SLC20A1: variants seen among roughly 807,000 people sequenced by gnomAD.
The protein encoded by SLC20A1 is sodium-dependent phosphate transporter 1.
SLC20A1 carries 28 observed loss-of-function variants against 62.7 expected under a neutral mutation model. The ratio of observed to expected loss-of-function variants is 0.45; its 90% confidence interval spans 0.33 to 0.61. The LOEUF is 0.61. SLC20A1 is among the 20% of genes least tolerant of loss of function. The pLI is 0.02. For synonymous variants in SLC20A1, 305 were observed against 302.9 expected (o/e 1.01, Z -0.07); for missense variants, 673 against 838.6 (o/e 0.80, Z 2.44).
At chr2:112,647,847 A>C in intron 4 of SLC20A1, 109 bp downstream of exon 4, 1 of 850,820 alleles carries the variant, frequency 1.2e-6, no homozygotes. Flanking sequence ...CGGCCTTGGA[A>C]AATTTTAAAA....
rs146866015 is a variant in SLC20A1, at chr2:112,647,909, G to A, written c.561+171G>A. Among the ~76,000 whole-genome samples the A allele has an allele frequency of 1.1e-4, 16 of 152,200 alleles. No homozygotes were observed. The East Asian group carries it at 3.1e-3, about 29-fold the overall frequency. ...ATGTTGTGGAGTTCTCTGAAAGCGA[G>A]TTTTTAATACTCAAGAGGGCAGTCA... On this transcript the variant is annotated intron_variant, in intron 4 of 10. Coordinates refer to ENST00000272542, the MANE Select transcript of SLC20A1 (RefSeq NM_005415.5).
Position 112,646,787 on chromosome 2 carries a change from G to GCGCT in SLC20A1, c.-40_-37dup, listed in dbSNP as rs1369682952. The GCGCT allele has an allele frequency of 7.2e-7, 1 of 1,392,414 alleles. No homozygotes were observed. Among genetic ancestry groups the GCGCT allele is most frequent in the East Asian group, 2.3e-5 (1 of 43,452 alleles). 86.3% of individuals were successfully genotyped at this position (1,392,414 alleles called of 1,614,324 possible). A position where few individuals can be genotyped will look rare whatever the true frequency, so the allele number is the denominator to read the frequency against. On this transcript the variant is annotated 5_prime_UTR_variant, in exon 2 of 11. Coordinates refer to ENST00000272542, the MANE Select transcript of SLC20A1 (RefSeq NM_005415.5). ...ATATTCTGTTTACACATCTTGAAAG[G>GCGCT]CGCTCAGTAGTTCTCTTACTAAACA...
At chr2:112,652,456 A>G (rs1686468121) in intron 4 of SLC20A1, 1 of 535,128 alleles carries the variant, frequency 1.9e-6, no homozygotes, top group African/African-American at 1.9e-5. Context: ...TCAGGATGTT[A>G]TCAGTCACTG....
At chr2:112,659,827 C>T (rs1686700097) in intron 8 of SLC20A1, 65 bp downstream of exon 8, 1 of 1,425,278 alleles carries the variant, frequency 7.0e-7, no homozygotes, top group South Asian at 1.3e-5. Context: ...TGTCACAGGC[C>T]TGTGCTTGTG....
At chr2:112,655,795 GT>G (rs1357616940) in intron 5 of SLC20A1, among the ~76,000 whole-genome samples, 2 of 152,110 alleles carry the variant, frequency 1.3e-5, no homozygotes, top group Admixed American at 6.5e-5. Flanking sequence ...GACCTCCTGG[GT>G]TCAAGTGATT....
rs965830821 is a variant in SLC20A1 at position 112,646,637 on chromosome 2, C to T, written c.-192C>T. 2.1e-5 allele frequency: 5 copies of T among 242,436 alleles called. No homozygotes were observed. The highest frequency in any genetic ancestry group is 9.1e-5 in the African/African-American group (4 of 44,136). The allele number at this position is 242,436 out of a possible 1,614,324, so 15.0% of individuals were successfully genotyped here. ...TTTTAGCCCTCCTGAGCCAAAGAAACCCCAGACAACAGATGCCCATACGCA... is the reference window on the plus strand; with the variant it reads ...TTTTAGCCCTCCTGAGCCAAAGAAATCCCAGACAACAGATGCCCATACGCA... On this transcript the variant is annotated 5_prime_UTR_variant, in exon 2 of 11. Coordinates refer to ENST00000272542, the MANE Select transcript of SLC20A1 (RefSeq NM_005415.5).
At chr2:112,656,162 AAACTT>A (rs1367275597) in intron 5 of SLC20A1, among the ~76,000 whole-genome samples, 1 of 150,402 alleles carries the variant, frequency 6.6e-6, no homozygotes, top group African/African-American at 2.5e-5. Flanking sequence ...AATTACCACT[AAACTT>A]TGTGTGTGAG....
At chr2:112,658,331 TGTC>T (rs1686652784) in intron 6 of SLC20A1, 1 of 152,944 alleles carries the variant, frequency 6.5e-6, no homozygotes, top group South Asian at 2.1e-4. Flanking sequence ...AAATTAAAGT[TGTC>T]GTCTTTAGTT....
chr2:112,658,907 G>A lies in SLC20A1; in HGVS notation c.861G>A (p.Leu287=), dbSNP rs1686673065. 2.5e-6 allele frequency: 4 copies of A among 1,614,158 alleles called. No individual in the cohort carries two copies. In the South Asian group the frequency reaches 4.4e-5, roughly 18 times the overall value. ...SLKEDHEETK[L]SVGDIENKHP... is the part of the protein sequence containing the mutation. ...AAGAAGACCATGAAGAAACAAAGTT[G>A]TCTGTTGGTGATATTGAAAACAAGC... The change falls in exon 7 of 11, where the codon TTG becomes TTA. Residue 287 remains leucine, a synonymous_variant. Coordinates refer to ENST00000272542, the MANE Select transcript of SLC20A1 (RefSeq NM_005415.5).
At chr2:112,656,475 A>T (rs904025384) in intron 5 of SLC20A1, among the ~76,000 whole-genome samples, 1 of 152,186 alleles carries the variant, frequency 6.6e-6, no homozygotes, top group African/African-American at 2.4e-5. Flanking sequence ...TGCTGGGATT[A>T]CAGGCATGAG....
At position 112,652,780 on chromosome 2, in the gene SLC20A1, A is replaced by G. The variant is rs201514397; in HGVS notation, c.640A>G (p.Met214Val). ...AGTTGGAATAAACCTCTTTTCCATC[A>G]TGTATACTGGAGCACCGTGTAAGTA... Reference protein sequence around the residue: ...CTVGINLFSIMYTGAPLLGFD... With the variant: ...CTVGINLFSIVYTGAPLLGFD... The change falls in exon 5 of 11, where the codon ATG (methionine) becomes GTG (valine). Residue 214 changes from methionine to valine, a missense_variant. Coordinates refer to ENST00000272542, the MANE Select transcript of SLC20A1 (RefSeq NM_005415.5). 1.9e-5 allele frequency: 30 copies of G among 1,613,940 alleles called. No individual in the cohort carries two copies. The highest frequency in any genetic ancestry group is 2.0e-5 in the Non-Finnish European group (24 of 1,179,900).
rs549062861 is a variant in SLC20A1, at chr2:112,656,526, C to G, written c.659-596C>G. ...GAAAGACAAAGCTTTTACAACTATTCTTAAATTATCAACTTTTGATAGATA... is the reference window on the plus strand; with the variant it reads ...GAAAGACAAAGCTTTTACAACTATTGTTAAATTATCAACTTTTGATAGATA... On this transcript the variant is annotated intron_variant, in intron 5 of 10. Coordinates refer to ENST00000272542, the MANE Select transcript of SLC20A1 (RefSeq NM_005415.5). Among the ~76,000 whole-genome samples, 6 of 152,294 alleles carry G rather than the reference C, an allele frequency of 3.9e-5. No individual in the cohort carries two copies. In the East Asian group the frequency reaches 1.2e-3, roughly 29 times the overall value.
chr2:112,654,982 T>C (rs77927949), intron 5 of SLC20A1, among the ~76,000 whole-genome samples: 1 of 102,024 alleles, frequency 9.8e-6, no homozygotes, highest in African/African-American at 2.8e-5. Flanking sequence ...TTTTTTTTTT[T>C]TTTTGAGACA....
Position 112,647,091 on chromosome 2 carries a change from G to T in SLC20A1, c.263G>T (p.Gly88Val), listed in dbSNP as rs767428504. 5.0e-6 allele frequency: 8 copies of T among 1,614,036 alleles called. No individual in the cohort carries two copies. The highest frequency in any genetic ancestry group is 6.8e-6 in the Non-Finnish European group (8 of 1,180,034). ...GAKVSETIRK[G>V]LIDVEMYNST... ...AAAGTGAGCGAAACCATCCGGAAGGGCTTGATTGACGTGGAGATGTACAAC... is the reference window on the plus strand; with the variant it reads ...AAAGTGAGCGAAACCATCCGGAAGGTCTTGATTGACGTGGAGATGTACAAC... Residue 88 changes from glycine to valine, a missense_variant, in exon 2 of 11, where the codon GGC becomes GTC. Gly to Val is a moderately radical substitution (Grantham distance 109). Coordinates refer to ENST00000272542, the MANE Select transcript of SLC20A1 (RefSeq NM_005415.5).
intron 10 of SLC20A1, 70 bp from the exon 11 acceptor site, chr2:112,662,794 T>G: frequency 6.6e-7 from 1 of 1,505,154 alleles, no homozygotes; most frequent in East Asian, 2.3e-5. Context: ...CCAAACAGTC[T>G]CAGGTGTCTG....
chr2:112,646,719 T>A lies in SLC20A1; in HGVS notation c.-110T>A. ...TGTGCCGTAGTTTACAGTATTTAAT[T>A]TTATATAATATATATTATTTATTAT... On this transcript the variant is annotated 5_prime_UTR_variant, in exon 2 of 11. Transcript: ENST00000272542. 2.2e-6 allele frequency: 1 copy of A among 449,036 alleles called. No individual in the cohort carries two copies. Among genetic ancestry groups the A allele is most frequent in the South Asian group, 1.1e-4 (1 of 9,224 alleles). 27.8% of individuals were successfully genotyped at this position (449,036 alleles called of 1,614,324 possible). A position where few individuals can be genotyped will look rare whatever the true frequency, so the allele number is the denominator to read the frequency against.
chr2:112,660,511 G>A lies in SLC20A1; in HGVS notation c.1732G>A (p.Val578Ile). Residue 578 changes from valine (V) to isoleucine (I), a missense_variant, in exon 9 of 11, where the codon GTT (valine) becomes ATT (isoleucine). Physicochemically the swap from Val to Ile is conservative, Grantham distance 29. Coordinates refer to ENST00000272542, the MANE Select transcript of SLC20A1 (RefSeq NM_005415.5). ...TGTTGGTATCTGTGTTGGTCTGTGG[G>A]TTTGGGGAAGAAGAGTTATCCAGAC... ...GGVGICVGLW[V>I]WGRRVIQTMG... is the part of the protein sequence containing the mutation. 1 of 1,614,200 alleles carries A rather than the reference G, an allele frequency of 6.2e-7. No homozygotes were observed. The highest frequency in any genetic ancestry group is 1.7e-5 in the Admixed American group (1 of 60,028).
chr2:112,653,045 T>C (rs1686483444), intron 5 of SLC20A1: 1 of 818,800 alleles, frequency 1.2e-6, no homozygotes. Context: ...CAGGATCCAC[T>C]GATAATATGA....
chr2:112,647,729 C>T lies in SLC20A1; in HGVS notation c.552C>T (p.Ile184=), dbSNP rs2104640394. 5 of 1,613,180 alleles carry T rather than the reference C, an allele frequency of 3.1e-6. No homozygotes were observed. The highest frequency in any genetic ancestry group is 4.2e-6 in the Non-Finnish European group (5 of 1,179,146). Residue 184 remains isoleucine, a synonymous_variant, in exon 4 of 11, where the codon ATC becomes ATT. Transcript: ENST00000272542. ...GILFFLVRAF[I]LHKADPVPNG... is the part of the protein sequence containing the mutation. Reference sequence around the variant, plus strand: ...TATTCTTCCTGGTTCGTGCATTCATCCTCCATAAGGTAACCTTTCTCCCCC... The same window carrying T: ...TATTCTTCCTGGTTCGTGCATTCATTCTCCATAAGGTAACCTTTCTCCCCC...
Sources: allele counts gnomAD v4.1 joint callset (sites outside exome capture counted in the v4.1 genomes callset), GRCh38; gene constraint gnomAD v4.1.1; transcripts MANE v1.5; gene names NCBI Gene and HGNC (gene_info 2026-07-23, HGNC 2026-07-21).